FOCAD: variants seen among roughly 807,000 people sequenced by gnomAD.
FOCAD encodes the protein KIAA1797.
In FOCAD, 198 loss-of-function variants were observed where a neutral mutation model predicts 225.6. The observed-to-expected ratio is 0.88, with a 90% CI of 0.78 to 0.99. The LOEUF (loss-of-function observed/expected upper bound fraction) is 0.99, where lower values mean the gene tolerates loss of function less well. Ranked by LOEUF, FOCAD falls within the 50% of genes least tolerant of loss-of-function variation. The pLI is 0.00. For missense variants in FOCAD, 2,713 were observed against 2,123.6 expected (o/e 1.28, Z -5.46); for synonymous variants, 897 against 755.0 (o/e 1.19, Z -3.08).
chr9:20,903,191 A>C (rs1292778279), intron 21 of FOCAD, among the ~76,000 whole-genome samples: 1 of 151,906 alleles, frequency 6.6e-6, no homozygotes, highest in Non-Finnish European at 1.5e-5. Context: ...AGAGGGCTGA[A>C]CTTCAGGCTC....
At chr9:20,683,522 G>A (rs1393750013), upstream of FOCAD, 1 of 151,912 alleles carries the variant, frequency 6.6e-6, no homozygotes, top group Non-Finnish European at 1.5e-5. Flanking sequence ...GTCTGTTACA[G>A]CCTTCTCACG....
intron 24 of FOCAD, among the ~76,000 whole-genome samples, chr9:20,923,346 G>C: frequency 6.6e-6 from 1 of 152,112 alleles, no homozygotes; most frequent in East Asian, 1.9e-4. Context: ...TGACACAGAA[G>C]AGATCCTAGG....
intron 28 of FOCAD, among the ~76,000 whole-genome samples, chr9:20,942,902 G>A (rs924820198): frequency 6.6e-6 from 1 of 152,220 alleles, no homozygotes; most frequent in Admixed American, 6.5e-5. Flanking sequence ...TCTGCTGGGC[G>A]AGAGATGATG....
chr9:20,988,961 C>A (rs1335523675), intron 41 of FOCAD, among the ~76,000 whole-genome samples: 1 of 152,118 alleles, frequency 6.6e-6, no homozygotes, highest in African/African-American at 2.4e-5. Flanking sequence ...TTTATCACAC[C>A]TGCAAAATTA....
intron 35 of FOCAD, chr9:20,957,673 C>CTCT (rs1361017091): frequency 3.6e-4 from 14 of 38,434 alleles, no homozygotes; most frequent in African/African-American, 1.4e-3. Context: ...ATCTCTCTCT[C>CTCT]TTTTTTTTTT....
chr9:20,723,285 C>T (rs963562036), intron 4 of FOCAD, among the ~76,000 whole-genome samples: 5 of 152,116 alleles, frequency 3.3e-5, no homozygotes, highest in South Asian at 2.1e-4. Flanking sequence ...GTCAGGAGTT[C>T]GAGACCAGCC....
chr9:20,668,043 T>C (rs1304804224), intron 2 of FOCAD, among the ~76,000 whole-genome samples: 3 of 152,242 alleles, frequency 2.0e-5, no homozygotes, highest in Non-Finnish European at 4.4e-5. Flanking sequence ...TAATAATTTC[T>C]GAATGAAATA....
chr9:20,852,686 A>C (rs1481622910), intron 15 of FOCAD, among the ~76,000 whole-genome samples: 1 of 151,838 alleles, frequency 6.6e-6, no homozygotes, highest in Non-Finnish European at 1.5e-5. Context: ...TGCCTAATTC[A>C]TCAATTTTTT....
chr9:20,717,323 T>C (rs961223937), intron 2 of FOCAD, among the ~76,000 whole-genome samples: 3 of 152,190 alleles, frequency 2.0e-5, no homozygotes, highest in Non-Finnish European at 4.4e-5. Flanking sequence ...GTGAAGTAGT[T>C]TCCAACCCGT....
At chr9:20,783,975 A>G (rs1380923571) in intron 10 of FOCAD, among the ~76,000 whole-genome samples, 1 of 152,242 alleles carries the variant, frequency 6.6e-6, no homozygotes, top group Non-Finnish European at 1.5e-5. Flanking sequence ...GGAATATTAC[A>G]GTAGTAAATG....
rs59407171 is a variant in FOCAD, at chr9:20,705,924, GTTTTT to G, written c.-32-9373_-32-9369del. Among the ~76,000 whole-genome samples the G allele has an allele frequency of 7.3e-4, 78 of 106,906 alleles. 2 individuals are homozygous for G. The highest frequency in any genetic ancestry group is 6.8e-3 in the South Asian group (23 of 3,370). 70.1% of individuals were successfully genotyped at this position (106,906 alleles called of 152,430 possible). On this transcript the variant is annotated intron_variant, in intron 1 of 43. Coordinates refer to ENST00000338382, the MANE Select transcript of FOCAD (RefSeq NM_001375567.1). ...CTAGTTAGGCATTATTCAGTTTTAAGTTTTTTTTTTTTTTTTTTTTTTTTTTTTTA... is the reference window on the plus strand; with the variant it reads ...CTAGTTAGGCATTATTCAGTTTTAAGTTTTTTTTTTTTTTTTTTTTTTTTA...
chr9:20,927,849 C>T (rs1329468441), intron 26 of FOCAD: 1 of 151,382 alleles, frequency 6.6e-6, no homozygotes, highest in Non-Finnish European at 1.5e-5. Flanking sequence ...AAGGTCTTCT[C>T]TGTGTATTTT....
At chr9:20,896,199 G>A (rs538450122) in intron 21 of FOCAD, among the ~76,000 whole-genome samples, 1 of 151,836 alleles carries the variant, frequency 6.6e-6, no homozygotes, top group African/African-American at 2.4e-5. Flanking sequence ...TTAGTCTTGT[G>A]TACCAAAATC....
intron 2 of FOCAD, among the ~76,000 whole-genome samples, chr9:20,678,425 C>G (rs945871349): frequency 6.6e-6 from 1 of 152,132 alleles, no homozygotes; most frequent in Non-Finnish European, 1.5e-5. Context: ...ACCAGCAAAA[C>G]CAGCCTAAAT....
At chr9:20,686,254 T>C (rs918031612) in intron 1 of FOCAD, among the ~76,000 whole-genome samples, 1 of 152,212 alleles carries the variant, frequency 6.6e-6, no homozygotes, top group Non-Finnish European at 1.5e-5. Flanking sequence ...CCTCCCAGGT[T>C]CAAGTGATTC....
chr9:20,657,207 A>C (rs1480326746), upstream of FOCAD, among the ~76,000 whole-genome samples: 1 of 150,684 alleles, frequency 6.6e-6, no homozygotes, highest in African/African-American at 2.5e-5. Context: ...GGCTGCCCTT[A>C]ACATTTTTTC....
chr9:20,660,860 G>A (rs930511651), intron 2 of FOCAD, among the ~76,000 whole-genome samples: 3 of 151,974 alleles, frequency 2.0e-5, no homozygotes, highest in Admixed American at 2.0e-4. Flanking sequence ...TGGCAGAGAA[G>A]GATATGAGAG....
chr9:20,718,308 A>C (rs781635275), intron 3 of FOCAD, among the ~76,000 whole-genome samples: 3 of 152,254 alleles, frequency 2.0e-5, no homozygotes, highest in Non-Finnish European at 2.9e-5. Context: ...ATACATTGAC[A>C]GTCAAAGCTG....
intron 1 of FOCAD, among the ~76,000 whole-genome samples, chr9:20,699,306 A>G (rs1039265839): frequency 1.3e-5 from 2 of 152,144 alleles, no homozygotes; most frequent in Non-Finnish European, 2.9e-5. Flanking sequence ...GATTGGCTTT[A>G]TTGTAAGTTG....
Sources: allele counts gnomAD v4.1 joint callset (sites outside exome capture counted in the v4.1 genomes callset), GRCh38; gene constraint gnomAD v4.1.1; transcripts MANE v1.5; gene names NCBI Gene and HGNC (gene_info 2026-07-23, HGNC 2026-07-21).